The following MYO16 variants were observed in gnomAD, a reference collection of about 807,000 sequenced individuals.
The protein encoded by MYO16 is myosin XVI, also known as unconventional myosin-XVI.
Under a neutral mutation model 205.3 loss-of-function variants are expected in MYO16, and 94 were observed. The ratio of observed to expected loss-of-function variants is 0.46; its 90% CI spans 0.39 to 0.54. MYO16 has a LOEUF of 0.54. Ranked by LOEUF, MYO16 falls within the 20% of genes least tolerant of loss-of-function variation. The pLI is 0.00. For synonymous variants in MYO16, 988 were observed against 954.0 expected, an observed-to-expected ratio of 1.04 and a Z score of -0.66; for missense variants, 2,315 against 2,387.5, an observed-to-expected ratio of 0.97 and a Z score of 0.63.
intron 2 of MYO16, among the ~76,000 whole-genome samples, chr13:108,681,267 C>A (rs1445233568): frequency 6.6e-6 from 1 of 152,070 alleles, no homozygotes; most frequent in South Asian, 2.1e-4. Context: ...ATAAACTGAC[C>A]ATGGGTCTTT....
intron 15 of MYO16, among the ~76,000 whole-genome samples, chr13:108,898,610 C>T (rs1880555770): frequency 6.6e-6 from 1 of 152,026 alleles, no homozygotes; most frequent in East Asian, 1.9e-4. Context: ...ATAATTTCTT[C>T]ACATAATACA....
intron 20 of MYO16, among the ~76,000 whole-genome samples, chr13:108,971,352 TATATA>T (rs1884001934): frequency 8.6e-5 from 1 of 11,690 alleles, no homozygotes; most frequent in African/African-American, 1.3e-4. Flanking sequence ...GTGTTGATTA[TATATA>T]TATATATATA....
chr13:109,053,479 A>T (rs1405284441), intron 25 of MYO16, among the ~76,000 whole-genome samples: 1 of 152,012 alleles, frequency 6.6e-6, no homozygotes, highest in East Asian at 1.9e-4. Flanking sequence ...TATAAGAAAG[A>T]TCTCTATGAC....
At chr13:108,614,479 A>G (rs1879281383) in intron 1 of MYO16, among the ~76,000 whole-genome samples, 2 of 152,106 alleles carry the variant, frequency 1.3e-5, no homozygotes, top group South Asian at 4.1e-4. Context: ...CTGACCTTAG[A>G]ATTAACACAT....
chr13:109,205,719 C>G (rs74120510), intron 34 of MYO16, among the ~76,000 whole-genome samples: 1 of 152,056 alleles, frequency 6.6e-6, no homozygotes, highest in South Asian at 2.1e-4. Flanking sequence ...GTCTTGTGCC[C>G]TAGCTGAAGT....
intron 20 of MYO16, among the ~76,000 whole-genome samples, chr13:108,974,429 A>G (rs1029899867): frequency 2.0e-5 from 3 of 152,250 alleles, no homozygotes; most frequent in South Asian, 2.1e-4. Flanking sequence ...ACAGTTTTCC[A>G]TATAACTTCT....
chr13:108,782,075 A>G (rs1168390297), intron 4 of MYO16, among the ~76,000 whole-genome samples: 1 of 152,198 alleles, frequency 6.6e-6, no homozygotes, highest in African/African-American at 2.4e-5. Context: ...ATGTGGAAGC[A>G]ACTTTGGAAC....
chr13:108,900,831 C>A (rs956813289), intron 15 of MYO16, among the ~76,000 whole-genome samples: 1 of 152,198 alleles, frequency 6.6e-6, no homozygotes, highest in African/African-American at 2.4e-5. Context: ...ACTCTGACTG[C>A]CAGTGAGCCA....
chr13:108,578,724 C>T, the MYO16 span, among the ~76,000 whole-genome samples: 1 of 152,064 alleles, frequency 6.6e-6, no homozygotes, highest in Non-Finnish European at 1.5e-5. Flanking sequence ...TACTATTCGT[C>T]GAGATACACA....
chr13:108,771,144 G>A (rs984566937), intron 4 of MYO16, among the ~76,000 whole-genome samples: 9 of 152,158 alleles, frequency 5.9e-5, no homozygotes, highest in South Asian at 2.1e-4. Flanking sequence ...GAGGTAGGGC[G>A]TAGAGGATAG....
chr13:108,772,794 A>G (rs925230885), intron 4 of MYO16, among the ~76,000 whole-genome samples: 1 of 152,182 alleles, frequency 6.6e-6, no homozygotes, highest in Non-Finnish European at 1.5e-5. Context: ...GCTTTCAAGC[A>G]GTTCAAAAAT....
At chr13:108,625,743 T>G (rs1294617451), upstream of MYO16, among the ~76,000 whole-genome samples, 1 of 152,192 alleles carries the variant, frequency 6.6e-6, no homozygotes, top group African/African-American at 2.4e-5. Context: ...AACAAAAAAC[T>G]GTTGTGTGTG....
intron 10 of MYO16, among the ~76,000 whole-genome samples, chr13:108,850,430 C>T (rs765940532): frequency 6.6e-6 from 1 of 152,236 alleles, no homozygotes; most frequent in Non-Finnish European, 1.5e-5. Context: ...CCCCTGAATT[C>T]TTCCTTGTCT....
intron 9 of MYO16, among the ~76,000 whole-genome samples, chr13:108,824,125 T>C (rs1876130796): frequency 6.6e-6 from 1 of 152,066 alleles, no homozygotes; most frequent in Non-Finnish European, 1.5e-5. Context: ...TGTCACATCA[T>C]TTTAAAGGCC....
chr13:108,937,657 A>C (rs1027449302), intron 16 of MYO16, among the ~76,000 whole-genome samples: 1 of 152,196 alleles, frequency 6.6e-6, no homozygotes, highest in Non-Finnish European at 1.5e-5. Context: ...TCTATTGATA[A>C]AGCTTTCAGT....
chr13:108,556,259 A>G, the MYO16 span, among the ~76,000 whole-genome samples: 1 of 152,132 alleles, frequency 6.6e-6, no homozygotes, highest in African/African-American at 2.4e-5. Flanking sequence ...ATTCCCACCA[A>G]CAGTGTGCAA....
intron 21 of MYO16, among the ~76,000 whole-genome samples, chr13:108,997,368 G>A (rs11838706): frequency 1.8e-3 from 13 of 7,038 alleles, no homozygotes; most frequent in African/African-American, 3.8e-3. Flanking sequence ...GAGAGAGAGA[G>A]AGAGAGAGAG....
Position 108,815,963 on chromosome 13 carries a change from T to C in MYO16, c.868-4374T>C, listed in dbSNP as rs147057658. On this transcript the variant is annotated intron_variant, in intron 7 of 34. Coordinates refer to ENST00000457511, the MANE Select transcript of MYO16 (RefSeq NM_001198950.3). Reference sequence around the variant, plus strand: ...AATACAGCAAGGGTACACCAGTAGATCAATGGAACCTAAAATATAGTGGCT... The same window carrying C: ...AATACAGCAAGGGTACACCAGTAGACCAATGGAACCTAAAATATAGTGGCT... Among the ~76,000 whole-genome samples, 679 of 152,252 alleles carry C rather than the reference T, an allele frequency of 4.5e-3. 6 individuals are homozygous for C. The highest frequency in any genetic ancestry group is 0.015 in the African/African-American group (638 of 41,562).
At chr13:108,658,298 T>G (rs1253971513) in intron 1 of MYO16, among the ~76,000 whole-genome samples, 1 of 152,176 alleles carries the variant, frequency 6.6e-6, no homozygotes, top group East Asian at 1.9e-4. Context: ...GAGTCACTTT[T>G]TGTAAGTTAT....
Sources: gnomAD v4.1 joint callset for allele counts (sites outside exome capture counted in the v4.1 genomes callset) on GRCh38, gnomAD v4.1.1 for gene constraint, MANE v1.5 for transcripts, NCBI Gene and HGNC (gene_info 2026-07-23, HGNC 2026-07-21) for gene names.